The following HPS3 variants were observed in gnomAD, a reference collection of about 807,000 sequenced individuals.
HPS3 encodes HPS3 biogenesis of lysosomal organelles complex 2 subunit 1, also known as BLOC-2 complex member HPS3.
HPS3 carries 79 observed loss-of-function variants against 110.9 expected under a neutral mutation model. That is an observed-to-expected ratio of 0.71 (90% CI 0.59 to 0.86). The LOEUF is 0.86. HPS3 is among the 40% of genes least tolerant of loss of function. The pLI, the probability that HPS3 is intolerant of heterozygous loss-of-function variation, is 0.00. For synonymous variants in HPS3, 428 were observed against 451.0 expected, an observed-to-expected ratio of 0.95 and a Z score of 0.65; for missense variants, 1,197 against 1,206.2, an observed-to-expected ratio of 0.99 and a Z score of 0.11.
chr3:149,166,741 G>A (rs1724461051), intron 14 of HPS3, among the ~76,000 whole-genome samples: 1 of 152,146 alleles, frequency 6.6e-6, no homozygotes, highest in African/African-American at 2.4e-5. Flanking sequence ...TCTTAGGATA[G>A]AGTCCTAAAG....
chr3:149,148,804 A>T (rs1350913819), intron 5 of HPS3, among the ~76,000 whole-genome samples: 2 of 152,062 alleles, frequency 1.3e-5, no homozygotes, highest in East Asian at 3.9e-4. Context: ...GCAACTTGCT[A>T]TTTTACATAG....
At chr3:149,134,740 G>T (rs2108120152) in intron 1 of HPS3, among the ~76,000 whole-genome samples, 1 of 152,264 alleles carries the variant, frequency 6.6e-6, no homozygotes, top group South Asian at 2.1e-4. Context: ...CATTAACGAG[G>T]CCTTGAACAA....
rs947879361 is a variant in HPS3 at position 149,129,667 on chromosome 3, G to C, written c.-57G>C. Reference sequence around the variant, plus strand: ...GTAGTCCTACATTCGCGGTCAGCGCGGGGTCTCCGGGCGCCCTGCAGGGCG... The same window carrying C: ...GTAGTCCTACATTCGCGGTCAGCGCCGGGTCTCCGGGCGCCCTGCAGGGCG... On this transcript the variant is annotated 5_prime_UTR_variant, in exon 1 of 17. Coordinates refer to ENST00000296051, the MANE Select transcript of HPS3 (RefSeq NM_032383.5). 2.2e-6 allele frequency: 3 copies of C among 1,347,386 alleles called. No individual in the cohort carries two copies. The highest frequency in any genetic ancestry group is 3.0e-6 in the Non-Finnish European group (3 of 1,013,386). The allele number at this position is 1,347,386 out of a possible 1,614,324, so 83.5% of individuals were successfully genotyped here.
Position 149,168,002 on chromosome 3 carries a change from T to G in HPS3, c.2887+19T>G, listed in dbSNP as rs1724601481. The G allele has an allele frequency of 4.5e-6, 6 of 1,330,184 alleles. No homozygotes were observed. Among genetic ancestry groups the G allele is most frequent in the East Asian group, 2.3e-5 (1 of 43,468 alleles). The allele number at this position is 1,330,184 out of a possible 1,614,324, so 82.4% of individuals were successfully genotyped here. On this transcript the variant is annotated intron_variant, in intron 16 of 16. Transcript: ENST00000296051. ...TTAAAAGGTAAAATGATTTTTTTTTTGCTTGATTATAAACTTAAGTTTCAG... is the reference window on the plus strand; with the variant it reads ...TTAAAAGGTAAAATGATTTTTTTTTGGCTTGATTATAAACTTAAGTTTCAG...
At chr3:149,144,526 A>G (rs1006462261) in intron 4 of HPS3, among the ~76,000 whole-genome samples, 29 of 152,258 alleles carry the variant, frequency 1.9e-4, no homozygotes, top group African/African-American at 6.3e-4. Flanking sequence ...ATTGATTGCT[A>G]TGTCTTTTAA....
At chr3:149,133,146 A>G (rs999943975) in intron 1 of HPS3, among the ~76,000 whole-genome samples, 1 of 152,252 alleles carries the variant, frequency 6.6e-6, no homozygotes, top group Non-Finnish European at 1.5e-5. Context: ...TGATAAAGCA[A>G]TGAGAAGGTT....
intron 2 of HPS3, among the ~76,000 whole-genome samples, chr3:149,140,762 T>C (rs1019076581): frequency 1.3e-5 from 2 of 152,220 alleles, no homozygotes; most frequent in African/African-American, 4.8e-5. Flanking sequence ...ACTAGTTGAA[T>C]GACCTTGGGT....
In HPS3 at chr3:149,141,108, T is replaced by C; in HGVS notation, c.804T>C (p.Ser268=). ...TTCTTGGTGAAAAAAGTGAACAGTCTGGATTATCTGTTACACTGGAGTCTA... is the reference window on the plus strand; with the variant it reads ...TTCTTGGTGAAAAAAGTGAACAGTCCGGATTATCTGTTACACTGGAGTCTA... ...LELLGEKSEQ[S]GLSVTLESTG... Residue 268 remains serine, a synonymous_variant, in exon 3 of 17, where the codon TCT becomes TCC. Coordinates refer to ENST00000296051, the MANE Select transcript of HPS3 (RefSeq NM_032383.5). 6.2e-7 allele frequency: 1 copy of C among 1,613,822 alleles called. No individual in the cohort carries two copies. The highest frequency in any genetic ancestry group is 8.5e-7 in the Non-Finnish European group (1 of 1,179,832).
At chr3:149,168,024 T>C in intron 16 of HPS3, 41 bp downstream of exon 16, 2 of 1,188,496 alleles carry the variant, frequency 1.7e-6, no homozygotes, top group Non-Finnish European at 2.5e-6. Flanking sequence ...AACTTAAGTT[T>C]CAGTTTTAAA....
Position 149,140,476 on chromosome 3 carries a change from T to G in HPS3, c.690T>G (p.Asn230Lys), listed in dbSNP as rs1366180546. ...ACCACCATCCACATAAGACCAACAATCGAATAAGACGGACAGAAGAAGGTA... is the reference window on the plus strand; with the variant it reads ...ACCACCATCCACATAAGACCAACAAGCGAATAAGACGGACAGAAGAAGGTA... ...RVHHHPHKTN[N>K]RIRRTEEGIS... Residue 230 changes from asparagine to lysine, a missense_variant, in exon 2 of 17, where the codon AAT (asparagine) becomes AAG (lysine). Physicochemically the swap from Asn to Lys is moderately conservative, Grantham distance 94. Coordinates refer to ENST00000296051, the MANE Select transcript of HPS3 (RefSeq NM_032383.5). 4 of 1,613,978 alleles carry G rather than the reference T, an allele frequency of 2.5e-6. No individual in the cohort carries two copies. The highest frequency in any genetic ancestry group is 3.4e-6 in the Non-Finnish European group (4 of 1,180,002).
At position 149,141,313 on chromosome 3, in the gene HPS3, T is replaced by C. The variant is rs1302380514; in HGVS notation, c.903T>C (p.Ile301=). Residue 301 remains isoleucine, a synonymous_variant, in exon 4 of 17, where the codon ATT becomes ATC. Coordinates refer to ENST00000296051, the MANE Select transcript of HPS3 (RefSeq NM_032383.5). ...CCCACAGACGTTTTGCTCCTGATAT[T>C]TCGTCCTATGTCTTGTCTGATGACA... is the stretch of plus-strand genomic sequence containing the variant. ...HLLYRRFAPD[I]SSYVLSDDIK... The C allele has an allele frequency of 3.1e-6, 5 of 1,613,882 alleles. No homozygotes were observed. The highest frequency in any genetic ancestry group is 4.2e-6 in the Non-Finnish European group (5 of 1,179,958).
rs1267100144 is a variant in HPS3 at position 149,140,167 on chromosome 3, T to C, written c.381T>C (p.Ile127=). Residue 127 remains isoleucine (I), a synonymous_variant, in exon 2 of 17, where the codon ATT becomes ATC. Coordinates refer to ENST00000296051, the MANE Select transcript of HPS3 (RefSeq NM_032383.5). ...AAGCCTTCAGAGACCAGATGTACAT[T>C]ATTGAAATGCCGCTTTCGGAGGCCC... ...FSKAFRDQMY[I]IEMPLSEAPL... is the part of the protein sequence containing the mutation. The C allele has an allele frequency of 6.2e-7, 1 of 1,614,178 alleles. No homozygotes were observed. The highest frequency in any genetic ancestry group is 2.2e-5 in the East Asian group (1 of 44,886).
chr3:149,165,472 T>C (rs770628189), intron 14 of HPS3, among the ~76,000 whole-genome samples: 2 of 134,794 alleles, frequency 1.5e-5, no homozygotes, highest in Admixed American at 1.5e-4. Flanking sequence ...ATAGTCTGCC[T>C]AAACTTTTAT....
chr3:149,162,574 C>A, intron 12 of HPS3, 116 bp from the exon 13 acceptor site: 2 of 1,189,366 alleles, frequency 1.7e-6, no homozygotes, highest in Admixed American at 1.7e-5. Flanking sequence ...GGCGCTAATG[C>A]TAATGGTAAA....
intron 16 of HPS3, among the ~76,000 whole-genome samples, chr3:149,171,448 G>A (rs62275033): frequency 0.026 from 3,922 of 152,138 alleles, 75 homozygotes; most frequent in Non-Finnish European, 0.042. Flanking sequence ...AATTAGCTTA[G>A]TATAGACATA....
At chr3:149,160,016 A>G in intron 10 of HPS3, 30 bp from the exon 11 acceptor site, 1 of 1,534,504 alleles carries the variant, frequency 6.5e-7, no homozygotes, top group Non-Finnish European at 9.0e-7. Flanking sequence ...CTGACCTTTT[A>G]TTCCTTTTAT....
intron 7 of HPS3, 104 bp from the exon 8 acceptor site, chr3:149,155,003 A>C (rs1158314152): frequency 1.4e-6 from 1 of 732,678 alleles, no homozygotes; most frequent in African/African-American, 1.8e-5. Flanking sequence ...AAAATAGTAA[A>C]TGAAAATGAT....
chr3:149,162,165 C>T lies in HPS3; in HGVS notation c.2124C>T (p.Gly708=), dbSNP rs138987987. 387 of 1,613,734 alleles carry T rather than the reference C, an allele frequency of 2.4e-4. 1 individual carries two copies. Among genetic ancestry groups the T allele is most frequent in the Non-Finnish European group, 3.0e-4 (351 of 1,179,836 alleles). Residue 708 remains glycine (G), a synonymous_variant, in exon 12 of 17, where the codon GGC becomes GGT. Transcript: ENST00000296051. ...ATCTGAAGATGAAGTTGGTATGTGG[C>T]TTCATTCTGGAACCTCGGCTGTTGA... ...KSHSEMKLVC[G]FILEPRLLIQ...
At chr3:149,130,906 A>C (rs1236499113) in intron 1 of HPS3, among the ~76,000 whole-genome samples, 1 of 152,204 alleles carries the variant, frequency 6.6e-6, no homozygotes, top group African/African-American at 2.4e-5. Context: ...TTTAGATTAC[A>C]GAAGAATTTA....
Sources: allele counts gnomAD v4.1 joint callset (sites outside exome capture counted in the v4.1 genomes callset), GRCh38; gene constraint gnomAD v4.1.1; transcripts MANE v1.5; gene names NCBI Gene and HGNC (gene_info 2026-07-23, HGNC 2026-07-21).